Variants in PCDH9 observed in about 807,000 individuals in gnomAD.
The protein encoded by PCDH9 is protocadherin-9.
PCDH9 carries 24 observed loss-of-function variants against 70.6 expected under a neutral mutation model. The observed-to-expected ratio is 0.34, with a 90% CI of 0.25 to 0.48. The LOEUF (loss-of-function observed/expected upper bound fraction) is 0.48. Ranked by LOEUF, PCDH9 falls within the 20% of genes least tolerant of loss-of-function variation. PCDH9 has a pLI of 0.99. For missense variants in PCDH9, 1,281 were observed against 1,503.6 expected, an observed-to-expected ratio of 0.85 and a Z score of 2.45; for synonymous variants, 562 against 558.5, an observed-to-expected ratio of 1.01 and a Z score of -0.09.
At chr13:66,892,994 C>T (rs906236472) in intron 3 of PCDH9, among the ~76,000 whole-genome samples, 1 of 152,026 alleles carries the variant, frequency 6.6e-6, no homozygotes, top group African/African-American at 2.4e-5. Context: ...TCTGTTTAAT[C>T]ACATAGGATC....
At chr13:67,162,974 C>T (rs542027460) in intron 2 of PCDH9, among the ~76,000 whole-genome samples, 36 of 152,150 alleles carry the variant, frequency 2.4e-4, no homozygotes, top group African/African-American at 7.5e-4. Flanking sequence ...TCTTTATTTG[C>T]GATCCAGTTC....
At chr13:67,213,636 CA>C (rs1356604958) in intron 2 of PCDH9, 2 of 152,028 alleles carry the variant, frequency 1.3e-5, no homozygotes, top group African/African-American at 2.4e-5. Flanking sequence ...CACATCTTAG[CA>C]TAAAACAAGC....
At chr13:67,083,779 C>T (rs1014116066) in intron 2 of PCDH9, among the ~76,000 whole-genome samples, 2 of 152,120 alleles carry the variant, frequency 1.3e-5, no homozygotes, top group African/African-American at 4.8e-5. Context: ...TTATGAGATT[C>T]CAAACATAAA....
chr13:67,006,722 T>G (rs2084361868), intron 2 of PCDH9, among the ~76,000 whole-genome samples: 1 of 152,176 alleles, frequency 6.6e-6, no homozygotes, highest in Non-Finnish European at 1.5e-5. Context: ...TTTCATTTGT[T>G]TAGCTCCTGT....
intron 4 of PCDH9, among the ~76,000 whole-genome samples, chr13:66,541,085 C>T (rs1960933715): frequency 6.6e-6 from 1 of 152,170 alleles, no homozygotes; most frequent in South Asian, 2.1e-4. Context: ...GTACATTAAA[C>T]AAACTCCTCT....
chr13:66,510,362 T>C (rs1328054362), intron 4 of PCDH9, among the ~76,000 whole-genome samples: 2 of 151,572 alleles, frequency 1.3e-5, no homozygotes, highest in Non-Finnish European at 2.9e-5. Flanking sequence ...TATATATATA[T>C]ACATATTTTT....
intron 3 of PCDH9, among the ~76,000 whole-genome samples, chr13:66,840,358 A>T (rs1382194688): frequency 6.6e-6 from 1 of 152,230 alleles, no homozygotes; most frequent in Non-Finnish European, 1.5e-5. Flanking sequence ...AGTATTTGGA[A>T]AATAAAAATA....
At chr13:67,055,438 C>A (rs1382441358) in intron 2 of PCDH9, among the ~76,000 whole-genome samples, 1 of 152,116 alleles carries the variant, frequency 6.6e-6, no homozygotes, top group African/African-American at 2.4e-5. Flanking sequence ...TTTAAGTGGA[C>A]AATACTCCCC....
intron 4 of PCDH9, among the ~76,000 whole-genome samples, chr13:66,604,296 A>AT (rs1363978378): frequency 6.6e-6 from 1 of 152,096 alleles, no homozygotes; most frequent in Admixed American, 6.6e-5. Context: ...TGAACATATG[A>AT]TTGTTTTATA....
intron 4 of PCDH9, among the ~76,000 whole-genome samples, chr13:66,343,274 A>G (rs1487785567): frequency 6.6e-6 from 1 of 152,200 alleles, no homozygotes. Flanking sequence ...ACAATTCTAT[A>G]GGTCACAAGT....
intron 4 of PCDH9, among the ~76,000 whole-genome samples, chr13:66,310,823 T>A (rs1479575935): frequency 6.6e-6 from 1 of 152,082 alleles, no homozygotes; most frequent in Non-Finnish European, 1.5e-5. Flanking sequence ...TTGTTCAATT[T>A]TTATTATAGG....
chr13:66,639,288 ATG>A (rs2077679213), intron 3 of PCDH9, among the ~76,000 whole-genome samples: 1 of 152,160 alleles, frequency 6.6e-6, no homozygotes, highest in African/African-American at 2.4e-5. Flanking sequence ...ACTTGTTTTT[ATG>A]TGTGTGGAAA....
At chr13:67,105,514 T>C (rs1012645120) in intron 2 of PCDH9, among the ~76,000 whole-genome samples, 5 of 152,132 alleles carry the variant, frequency 3.3e-5, no homozygotes. Context: ...GTATTAACTA[T>C]TATAAAACAT....
chr13:66,514,079 G>A (rs980318898), intron 4 of PCDH9, among the ~76,000 whole-genome samples: 1 of 151,936 alleles, frequency 6.6e-6, no homozygotes, highest in Non-Finnish European at 1.5e-5. Flanking sequence ...GTAATGACTG[G>A]GTAGATGCAG....
At chr13:66,312,051 C>T (rs912964290) in intron 4 of PCDH9, among the ~76,000 whole-genome samples, 1 of 152,078 alleles carries the variant, frequency 6.6e-6, no homozygotes, top group Non-Finnish European at 1.5e-5. Flanking sequence ...AGGAAAATCT[C>T]AAGACACAAG....
chr13:66,463,350 A>G (rs1958458696), intron 4 of PCDH9, among the ~76,000 whole-genome samples: 1 of 151,866 alleles, frequency 6.6e-6, no homozygotes, highest in Admixed American at 6.6e-5. Context: ...AGAAAACAGA[A>G]TGACTTAGAA....
At chr13:66,717,587 A>C (rs34460961) in intron 3 of PCDH9, among the ~76,000 whole-genome samples, 19,799 of 149,362 alleles carry the variant, frequency 0.13, 1,511 homozygotes, top group African/African-American at 0.2. Flanking sequence ...GGTTTTAGAA[A>C]CTCAGTGTAT....
At chr13:66,677,341 T>C (rs531462976) in intron 3 of PCDH9, among the ~76,000 whole-genome samples, 1 of 152,282 alleles carries the variant, frequency 6.6e-6, no homozygotes, top group Admixed American at 6.5e-5. Flanking sequence ...ATAAGATCTT[T>C]GCTCTTTCAA....
intron 4 of PCDH9, among the ~76,000 whole-genome samples, chr13:66,567,478 T>G (rs1290041993): frequency 6.6e-6 from 1 of 152,176 alleles, no homozygotes; most frequent in Non-Finnish European, 1.5e-5. Context: ...TGTTCCATAT[T>G]TACAACACTG....
Sources: gnomAD v4.1 joint callset for allele counts (sites outside exome capture counted in the v4.1 genomes callset) on GRCh38, gnomAD v4.1.1 for gene constraint, MANE v1.5 for transcripts, NCBI Gene and HGNC (gene_info 2026-07-23, HGNC 2026-07-21) for gene names.